C7orf33: variants seen among roughly 807,000 people sequenced by gnomAD.
The protein encoded by C7orf33 is chromosome 7 open reading frame 33.
A neutral mutation model predicts 13.4 loss-of-function variants in C7orf33; 15 were observed. That is an observed-to-expected ratio of 1.12 (90% confidence interval 0.75 to 1.72). The LOEUF (loss-of-function observed/expected upper bound fraction) is 1.72, where lower values mean the gene tolerates loss of function less well. Ranked by LOEUF, C7orf33 falls within the 40% of genes most tolerant of loss-of-function variation. C7orf33 has a pLI of 0.00. For synonymous variants in C7orf33, 73 were observed against 83.2 expected, an observed-to-expected ratio of 0.88 and a Z score of 0.67; for missense variants, 187 against 220.3, an observed-to-expected ratio of 0.85 and a Z score of 0.96.
At chr7:148,595,326 T>C (rs1019665624) in intron 1 of C7orf33, among the ~76,000 whole-genome samples, 4 of 139,994 alleles carry the variant, frequency 2.9e-5, no homozygotes, top group Non-Finnish European at 6.1e-5. Context: ...TATAGATATA[T>C]CTATATAATA....
chr7:148,599,873 C>T (rs1252557420), intron 1 of C7orf33, among the ~76,000 whole-genome samples: 2 of 152,222 alleles, frequency 1.3e-5, no homozygotes, highest in African/African-American at 4.8e-5. Flanking sequence ...ATCTCCAGCT[C>T]TGCCCTGCAC....
chr7:148,609,077 C>T (rs894718260), intron 1 of C7orf33, among the ~76,000 whole-genome samples: 10 of 146,310 alleles, frequency 6.8e-5, no homozygotes, highest in African/African-American at 2.3e-4. Flanking sequence ...TAGAAAATAC[C>T]TTTCACGTTG....
chr7:148,595,220 T>C (rs1421402060), intron 1 of C7orf33, among the ~76,000 whole-genome samples: 2 of 145,580 alleles, frequency 1.4e-5, no homozygotes, highest in East Asian at 3.9e-4. Flanking sequence ...ATAATATCTA[T>C]ATTATATGGA....
intron 1 of C7orf33, among the ~76,000 whole-genome samples, chr7:148,599,299 CATT>C (rs1266640278): frequency 2.6e-5 from 4 of 152,070 alleles, no homozygotes; most frequent in African/African-American, 9.7e-5. Context: ...CTACCTCAAA[CATT>C]ATAGGGCCTG....
At position 148,614,427 on chromosome 7, in the gene C7orf33, G is replaced by A. The variant is rs61023344; in HGVS notation, c.459+131G>A. The A allele has an allele frequency of 6.4e-3, 6,857 of 1,078,664 alleles. 288 individuals are homozygous for A. In the African/African-American group the frequency reaches 0.09, roughly 14 times the overall value. The allele number at this position is 1,078,664 out of a possible 1,614,324, so 66.8% of individuals were successfully genotyped here. Reference sequence around the variant, plus strand: ...CCTGGATGTTTCATATTCTCTGAATGTCCAGCATGAAACTGATCTGATCCC... The same window carrying A: ...CCTGGATGTTTCATATTCTCTGAATATCCAGCATGAAACTGATCTGATCCC... On this transcript the variant is annotated intron_variant, in intron 2 of 2. Transcript: ENST00000307003.
At chr7:148,612,299 A>G (rs1342761204) in intron 1 of C7orf33, among the ~76,000 whole-genome samples, 4 of 152,196 alleles carry the variant, frequency 2.6e-5, no homozygotes, top group Non-Finnish European at 4.4e-5. Flanking sequence ...TGAACTTCCC[A>G]TCAGATCTAT....
chr7:148,610,198 C>T (rs1216352820), intron 1 of C7orf33, among the ~76,000 whole-genome samples: 1 of 152,212 alleles, frequency 6.6e-6, no homozygotes, highest in South Asian at 2.1e-4. Context: ...TTAATTCTGT[C>T]GACTTGATTG....
chr7:148,610,572 A>G (rs995952581), intron 1 of C7orf33, among the ~76,000 whole-genome samples: 4 of 152,018 alleles, frequency 2.6e-5, no homozygotes, highest in African/African-American at 9.7e-5. Flanking sequence ...CCTTCATATA[A>G]TATTTTATGT....
rs750313340 is a variant in C7orf33 at position 148,615,390 on chromosome 7, G to A, written c.523G>A (p.Asp175Asn). 3 of 1,611,246 alleles carry A rather than the reference G, an allele frequency of 1.9e-6. No individual in the cohort carries two copies. The highest frequency in any genetic ancestry group is 2.5e-6 in the Non-Finnish European group (3 of 1,177,536). Residue 175 changes from aspartate to asparagine, a missense_variant, in exon 3 of 3, where the codon GAC (aspartate) becomes AAC (asparagine). Coordinates refer to ENST00000307003, the MANE Select transcript of C7orf33 (RefSeq NM_145304.4). ...SVEATRISRT[D>N]SS is the part of the protein sequence containing the mutation. ...TGAGGCCACAAGGATTTCCAGAACT[G>A]ACAGCAGTTAAGAATTTTGCAGAAT...
chr7:148,615,311 C>T lies in C7orf33; in HGVS notation c.460-16C>T, dbSNP rs755101190. 5.0e-5 allele frequency: 79 copies of T among 1,575,046 alleles called. No individual in the cohort carries two copies. Among genetic ancestry groups the T allele is most frequent in the South Asian group, 3.9e-4 (35 of 90,334 alleles). On this transcript the variant is annotated splice_polypyrimidine_tract_variant and intron_variant, in intron 2 of 2. Coordinates refer to ENST00000307003, the MANE Select transcript of C7orf33 (RefSeq NM_145304.4). ...ATCATCCTGAGATAACAGAAGTCTT[C>T]GTAATCCACATGTAGGTACGTGGGC...
At chr7:148,608,875 C>T (rs887855846) in intron 1 of C7orf33, among the ~76,000 whole-genome samples, 1 of 152,166 alleles carries the variant, frequency 6.6e-6, no homozygotes, top group Non-Finnish European at 1.5e-5. Context: ...TGTGGCTTGT[C>T]CATTTGCTGT....
intron 1 of C7orf33, among the ~76,000 whole-genome samples, chr7:148,596,636 A>G (rs576622970): frequency 7.2e-5 from 11 of 152,258 alleles, no homozygotes; most frequent in Admixed American, 6.5e-4. Flanking sequence ...CATCAGAACA[A>G]CATGGGGGAA....
intron 1 of C7orf33, among the ~76,000 whole-genome samples, chr7:148,611,255 A>G (rs1214197336): frequency 6.6e-6 from 1 of 152,150 alleles, no homozygotes; most frequent in East Asian, 1.9e-4. Flanking sequence ...CTAAGTGGGA[A>G]CAGGCACTCC....
At chr7:148,595,101 ATTT>A (rs1406828531) in intron 1 of C7orf33, among the ~76,000 whole-genome samples, 1 of 151,506 alleles carries the variant, frequency 6.6e-6, no homozygotes, top group Non-Finnish European at 1.5e-5. Context: ...TTTGTTTTGT[ATTT>A]TTTGAGACAG....
At chr7:148,601,119 A>G (rs1796409087) in intron 1 of C7orf33, among the ~76,000 whole-genome samples, 2 of 151,866 alleles carry the variant, frequency 1.3e-5, no homozygotes, top group African/African-American at 4.8e-5. Flanking sequence ...CTTCTTTAAG[A>G]TCATTCTTTG....
At position 148,595,347 on chromosome 7, in the gene C7orf33, T is replaced by C. The variant is rs534329483; in HGVS notation, c.204+4218T>C. Among the ~76,000 whole-genome samples the C allele has an allele frequency of 2.0e-3, 281 of 138,406 alleles. 1 individual carries two copies. The highest frequency in any genetic ancestry group is 7.2e-3 in the African/African-American group (268 of 37,152). 90.8% of individuals were successfully genotyped at this position (138,406 alleles called of 152,430 possible). ...TATATCTATATAATATAGATCTATA[T>C]TATATAGATATATCAAATATAATAT... is the stretch of plus-strand genomic sequence containing the variant. On this transcript the variant is annotated intron_variant, in intron 1 of 2. Transcript: ENST00000307003.
chr7:148,601,639 G>A (rs1796415980), intron 1 of C7orf33, among the ~76,000 whole-genome samples: 5 of 152,134 alleles, frequency 3.3e-5, no homozygotes, highest in South Asian at 4.1e-4. Context: ...GAGCCACCTC[G>A]GATGGGCCTT....
At chr7:148,598,761 T>TAG (rs1796378433) in intron 1 of C7orf33, among the ~76,000 whole-genome samples, 5 of 27,510 alleles carry the variant, frequency 1.8e-4, no homozygotes, top group Non-Finnish European at 2.4e-4. Context: ...TATATATATA[T>TAG]ATAGAGAGAG....
intron 1 of C7orf33, among the ~76,000 whole-genome samples, chr7:148,602,031 G>A (rs1409642213): frequency 2.0e-5 from 3 of 152,166 alleles, no homozygotes; most frequent in Non-Finnish European, 4.4e-5. Flanking sequence ...TTACAGGCGT[G>A]AGCCACAGCA....
Sources: allele counts gnomAD v4.1 joint callset (sites outside exome capture counted in the v4.1 genomes callset), GRCh38; gene constraint gnomAD v4.1.1; transcripts MANE v1.5; gene names NCBI Gene and HGNC (gene_info 2026-07-23, HGNC 2026-07-21).